Variants in NFIA observed in about 807,000 individuals in gnomAD.
The protein encoded by NFIA is nuclear factor I A, also known as nuclear factor 1 A-type.
Under a neutral mutation model 62.8 loss-of-function variants are expected in NFIA, and 8 were observed. The observed-to-expected ratio is 0.13, with a 90% CI of 0.07 to 0.23. The LOEUF (loss-of-function observed/expected upper bound fraction) is 0.23, where lower values mean the gene tolerates loss of function less well. Ranked by LOEUF, NFIA falls within the 10% of genes least tolerant of loss-of-function variation. The pLI is 1.00. For synonymous variants in NFIA, 235 were observed against 238.1 expected (o/e 0.99, Z 0.12); for missense variants, 410 against 642.1 (o/e 0.64, Z 3.91).
chr1:61,356,242 C>T (rs1052183931), intron 5 of NFIA, among the ~76,000 whole-genome samples: 4 of 152,160 alleles, frequency 2.6e-5, no homozygotes, highest in Non-Finnish European at 5.9e-5. Flanking sequence ...TAGTCATTTT[C>T]CCTGAAGATC....
intron 2 of NFIA, among the ~76,000 whole-genome samples, chr1:61,251,933 G>A (rs1421786728): frequency 6.6e-6 from 1 of 152,112 alleles, no homozygotes; most frequent in Non-Finnish European, 1.5e-5. Flanking sequence ...CCTACAGCAG[G>A]TAGATAGAGG....
chr1:61,368,331 T>C (rs1407831892), intron 6 of NFIA, among the ~76,000 whole-genome samples: 1 of 152,162 alleles, frequency 6.6e-6, no homozygotes, highest in East Asian at 1.9e-4. Flanking sequence ...GGGTGGAGCA[T>C]ACTGTAAAGA....
At chr1:61,418,113 T>A (rs193060790) in intron 9 of NFIA, among the ~76,000 whole-genome samples, 32 of 152,348 alleles carry the variant, frequency 2.1e-4, no homozygotes, top group Admixed American at 2.0e-3. Context: ...TTTGAGATTT[T>A]TAGGTTCCAT....
At chr1:61,199,692 T>C (rs1324806050) in intron 2 of NFIA, among the ~76,000 whole-genome samples, 1 of 151,862 alleles carries the variant, frequency 6.6e-6, no homozygotes, top group Non-Finnish European at 1.5e-5. Flanking sequence ...GTTTTGGTGA[T>C]GTATTAAAAA....
intron 3 of NFIA, among the ~76,000 whole-genome samples, chr1:61,319,657 A>G (rs1403699546): frequency 6.6e-6 from 1 of 152,102 alleles, no homozygotes; most frequent in African/African-American, 2.4e-5. Flanking sequence ...TATTTTGTCT[A>G]CAAAAAGGAG....
intron 6 of NFIA, among the ~76,000 whole-genome samples, chr1:61,380,979 T>C (rs1457431993): frequency 6.6e-6 from 1 of 152,270 alleles, no homozygotes; most frequent in East Asian, 1.9e-4. Flanking sequence ...GTATTTAGAA[T>C]GGCATGAATT....
At chr1:61,217,270 A>T (rs1312826757) in intron 2 of NFIA, among the ~76,000 whole-genome samples, 2 of 150,704 alleles carry the variant, frequency 1.3e-5, no homozygotes, top group Non-Finnish European at 3.0e-5. Context: ...GGGTTTCACC[A>T]CATTGGTCAG....
At chr1:61,234,367 C>CAAAAA (rs34304036) in intron 2 of NFIA, among the ~76,000 whole-genome samples, 1 of 73,316 alleles carries the variant, frequency 1.4e-5, no homozygotes, top group African/African-American at 5.7e-5. Flanking sequence ...AACGCCATCT[C>CAAAAA]AAAAAAAAAA....
At chr1:61,143,306 G>A (rs1486705452) in intron 2 of NFIA, among the ~76,000 whole-genome samples, 1 of 152,192 alleles carries the variant, frequency 6.6e-6, no homozygotes, top group African/African-American at 2.4e-5. Flanking sequence ...ACAAACGTAT[G>A]TTTGTGATTA....
intron 10 of NFIA, among the ~76,000 whole-genome samples, chr1:61,430,519 A>G (rs1444538486): frequency 6.6e-6 from 1 of 152,204 alleles, no homozygotes; most frequent in African/African-American, 2.4e-5. Context: ...ACAATATATT[A>G]TGGCCTTCTT....
At position 61,088,307 on chromosome 1, in the gene NFIA, T is replaced by G. The variant is rs769434842; in HGVS notation, c.186T>G (p.Ser62Arg). ...EERAVKDELL[S>R]EKPEVKQKWA... ...GAGCCGTGAAGGATGAATTGCTAAG[T>G]GAAAAACCAGAGGTCAAGCAGAAGT... Residue 62 changes from serine (S) to arginine (R), a missense_variant, in exon 2 of 11, where the codon AGT becomes AGG. Ser to Arg is a moderately radical substitution (Grantham distance 110, BLOSUM62 -1). Coordinates refer to ENST00000403491, the MANE Select transcript of NFIA (RefSeq NM_001134673.4). This position sits in a 1 kb window ranked among gnomAD's most constrained non-coding sequence, Gnocchi z 4.5. The G allele has an allele frequency of 4.7e-5, 76 of 1,612,806 alleles. No individual in the cohort carries two copies. Among genetic ancestry groups the G allele is most frequent in the Non-Finnish European group, 5.8e-5 (69 of 1,179,770 alleles).
intron 9 of NFIA, among the ~76,000 whole-genome samples, chr1:61,425,416 T>G (rs1273305488): frequency 6.6e-6 from 1 of 152,240 alleles, no homozygotes; most frequent in Non-Finnish European, 1.5e-5. Flanking sequence ...TTAGATGGTG[T>G]TTGTCTAGAG....
At chr1:61,406,317 T>A (rs1665817038) in intron 8 of NFIA, among the ~76,000 whole-genome samples, 1 of 152,152 alleles carries the variant, frequency 6.6e-6, no homozygotes, top group South Asian at 2.1e-4. Context: ...ACAATGTAGT[T>A]CAAGAGATAA....
Position 61,088,710 on chromosome 1 carries a change from T to C in NFIA, c.559+30T>C, listed in dbSNP as rs773867366. 1.9e-6 allele frequency: 3 copies of C among 1,585,066 alleles called. No individual in the cohort carries two copies. The highest frequency in any genetic ancestry group is 1.7e-6 in the Non-Finnish European group (2 of 1,166,100). On this transcript the variant is annotated intron_variant, in intron 2 of 10. Transcript: ENST00000403491. The surrounding 1 kb of genome is among the most constrained non-coding windows in gnomAD (Gnocchi z 4.5). ...GTGCGATGGTGAGAATTCCTCCCACTTTCTTGTGTGTGTTTCTTTCCTGAT... is the reference window on the plus strand; with the variant it reads ...GTGCGATGGTGAGAATTCCTCCCACCTTCTTGTGTGTGTTTCTTTCCTGAT...
intron 2 of NFIA, among the ~76,000 whole-genome samples, chr1:61,253,981 TTTGA>T (rs1432844109): frequency 2.0e-5 from 3 of 152,208 alleles, no homozygotes; most frequent in African/African-American, 4.8e-5. Context: ...TTCTATTTTG[TTTGA>T]TTATTTATTT....
rs1007243927 is a variant in NFIA at position 61,459,637 on chromosome 1, C to G, written c.*4317C>G. 2 of 152,238 alleles carry G rather than the reference C, an allele frequency of 1.3e-5. No individual in the cohort carries two copies. Among genetic ancestry groups the G allele is most frequent in the African/African-American group, 4.8e-5 (2 of 41,432 alleles). The allele number at this position is 152,238 out of a possible 1,614,324, so 9.4% of individuals were successfully genotyped here. Reference sequence around the variant, plus strand: ...TTCTGACAGTCAAAGTGTGAAGGAACCCAGACTTCCCCGAGCCACGGTGTT... The same window carrying G: ...TTCTGACAGTCAAAGTGTGAAGGAAGCCAGACTTCCCCGAGCCACGGTGTT... On this transcript the variant is annotated 3_prime_UTR_variant, in exon 11 of 11. Transcript: ENST00000403491.
intron 10 of NFIA, among the ~76,000 whole-genome samples, chr1:61,447,722 A>T (rs1667875066): frequency 6.6e-6 from 1 of 152,212 alleles, no homozygotes; most frequent in Admixed American, 6.5e-5. Flanking sequence ...AAAAGCAGGA[A>T]ATAAGCTGTC....
chr1:61,199,124 T>C (rs940487658), intron 2 of NFIA, among the ~76,000 whole-genome samples: 17 of 142,998 alleles, frequency 1.2e-4, no homozygotes, highest in African/African-American at 4.1e-4. Flanking sequence ...ACCAGAAATG[T>C]GGTTCTCGTG....
At chr1:61,187,838 T>G (rs1326253278) in intron 2 of NFIA, among the ~76,000 whole-genome samples, 1 of 152,134 alleles carries the variant, frequency 6.6e-6, no homozygotes, top group Non-Finnish European at 1.5e-5. Context: ...CCCATCTCCA[T>G]TTTCCTTTTG....
Sources: gnomAD v4.1 joint callset for allele counts (sites outside exome capture counted in the v4.1 genomes callset) on GRCh38, gnomAD v4.1.1 for gene constraint, Gnocchi (gnomAD v3.1) non-coding constraint, MANE v1.5 for transcripts, NCBI Gene and HGNC (gene_info 2026-07-23, HGNC 2026-07-21) for gene names.